Variants in OTOG observed in about 807,000 individuals in gnomAD.
OTOG encodes the protein otogelin.
In OTOG, 296 loss-of-function variants were observed where a neutral mutation model predicts 313.8. That is an observed-to-expected ratio of 0.94 (90% CI 0.86 to 1.04). OTOG has a LOEUF of 1.04. Ranked by LOEUF, OTOG falls within the 50% of genes least tolerant of loss-of-function variation. The pLI is 0.00. For missense variants in OTOG, 3,948 were observed against 3,840.1 expected, an observed-to-expected ratio of 1.03 and a Z score of -0.74; for synonymous variants, 1,533 against 1,554.9, an observed-to-expected ratio of 0.99 and a Z score of 0.33.
At chr11:17,548,370 A>C (rs1851855866) in intron 3 of OTOG, among the ~76,000 whole-genome samples, 158 bp downstream of exon 3, 1 of 146,286 alleles carries the variant, frequency 6.8e-6, no homozygotes, top group South Asian at 2.2e-4. Context: ...GTGCAAGTTC[A>C]TAAAACCCTT....
intron 1 of OTOG, 100 bp downstream of exon 1, chr11:17,547,566 G>A: frequency 1.6e-6 from 2 of 1,276,446 alleles, no homozygotes; most frequent in Non-Finnish European, 2.0e-6. Flanking sequence ...AGGGAGGAAA[G>A]AGAGGTTTGA....
intron 30 of OTOG, among the ~76,000 whole-genome samples, chr11:17,598,839 C>G (rs1446939062): frequency 6.6e-6 from 1 of 152,214 alleles, no homozygotes; most frequent in Non-Finnish European, 1.5e-5. Context: ...GGCACGTGCC[C>G]CTAGCCACAT....
intron 39 of OTOG, among the ~76,000 whole-genome samples, chr11:17,624,669 G>GT (rs369425649): frequency 1.0e-3 from 157 of 151,720 alleles, no homozygotes; most frequent in African/African-American, 3.5e-3. Context: ...TTTTAAAATA[G>GT]TTTTTTTTTC....
intron 47 of OTOG, 26 bp downstream of exon 47, chr11:17,635,737 G>C: frequency 6.5e-7 from 1 of 1,532,214 alleles, no homozygotes; most frequent in Non-Finnish European, 8.8e-7. Flanking sequence ...GCACATGGCG[G>C]GCTGCGGCAG....
chr11:17,640,415 T>A (rs185126112), intron 49 of OTOG, among the ~76,000 whole-genome samples: 1 of 152,160 alleles, frequency 6.6e-6, no homozygotes, highest in Non-Finnish European at 1.5e-5. Flanking sequence ...TATGTAACCC[T>A]CCCCACCCCA....
intron 19 of OTOG, among the ~76,000 whole-genome samples, 184 bp from the exon 20 acceptor site, chr11:17,574,536 G>A (rs1852474281): frequency 6.6e-6 from 1 of 152,202 alleles, no homozygotes; most frequent in Non-Finnish European, 1.5e-5. Context: ...GTATTGGTAG[G>A]CAGTGGGACT....
rs867881152 is a variant in OTOG, at chr11:17,627,677, T to A, written c.6529-1456T>A. On this transcript the variant is annotated intron_variant, in intron 39 of 55. Coordinates refer to ENST00000399397, the MANE Select transcript of OTOG (RefSeq NM_001292063.2). ...ATTGGTATTAACTCTTCTTCAAATG[T>A]TTGGTAGAAGTCAGCAGTGAAGCCA... 2.2e-4 allele frequency among the ~76,000 whole-genome samples: 29 copies of A among 129,096 alleles called. No homozygotes were observed. The South Asian group carries it at 6.6e-3, about 29-fold the overall frequency. 84.7% of individuals were successfully genotyped at this position (129,096 alleles called of 152,430 possible). A position where few individuals can be genotyped will look rare whatever the true frequency, so the allele number is the denominator to read the frequency against.
intron 1 of OTOG, chr11:17,547,689 G>T (rs1592056294): frequency 7.5e-6 from 6 of 799,370 alleles, no homozygotes; most frequent in Non-Finnish European, 1.0e-5. Flanking sequence ...CTGGGTGGAA[G>T]AGACCCGAGG....
At position 17,552,223 on chromosome 11, in the gene OTOG, G is replaced by A. The variant is rs751245800; in HGVS notation, c.292+148G>A. The stretch of plus-strand genomic sequence containing the variant: ...ATCTCCTTCCACCCACTCTGGCCCC[G>A]GCCACCATGCCATTTGGCATTCTCC... On this transcript the variant is annotated intron_variant, in intron 4 of 55. Transcript: ENST00000399397. 3.1e-5 allele frequency: 24 copies of A among 780,030 alleles called. No homozygotes were observed. The East Asian group carries it at 3.3e-4, about 11-fold the overall frequency. 48.3% of individuals were successfully genotyped at this position (780,030 alleles called of 1,614,324 possible).
chr11:17,554,274 T>C (rs895619680), intron 6 of OTOG, among the ~76,000 whole-genome samples: 6 of 152,210 alleles, frequency 3.9e-5, no homozygotes, highest in African/African-American at 1.4e-4. Flanking sequence ...TCATTGTATT[T>C]CTCTTACAAA....
At chr11:17,635,456 T>G (rs1565128428) in intron 46 of OTOG, among the ~76,000 whole-genome samples, 154 bp from the exon 47 acceptor site, 1 of 152,158 alleles carries the variant, frequency 6.6e-6, no homozygotes, top group Non-Finnish European at 1.5e-5. Context: ...CAGATTCTGA[T>G]TCCAGAACGG....
At position 17,610,586 on chromosome 11, in the gene OTOG, T is replaced by C; in HGVS notation, c.5286T>C (p.Ser1762=). The C allele has an allele frequency of 6.5e-7, 1 of 1,550,386 alleles. No individual in the cohort carries two copies. The highest frequency in any genetic ancestry group is 2.4e-5 in the East Asian group (1 of 40,892). Residue 1762 remains serine, a synonymous_variant, in exon 36 of 56, where the codon TCT becomes TCC. Coordinates refer to ENST00000399397, the MANE Select transcript of OTOG (RefSeq NM_001292063.2). ...PAQHTTMATR[S]PALPPETPAA... is the part of the protein sequence containing the mutation. ...AGCATACCACCATGGCCACCAGGTC[T>C]CCAGCTCTGCCCCCAGAGACCCCAG...
At position 17,611,191 on chromosome 11, in the gene OTOG, A is replaced by G. The variant is rs945343106; in HGVS notation, c.5891A>G (p.Tyr1964Cys). ...ACAGCTCTGCCAGTGCCCACATCCTATGCCCTGAGCCGTGTCTCAGCCAGG... is the reference window on the plus strand; with the variant it reads ...ACAGCTCTGCCAGTGCCCACATCCTGTGCCCTGAGCCGTGTCTCAGCCAGG... ...AGTALPVPTSYALSRVSARTA... is the reference protein window; with the variant it reads ...AGTALPVPTSCALSRVSARTA... The change falls in exon 36 of 56, where the codon TAT (tyrosine) becomes TGT (cysteine). Residue 1964 changes from tyrosine (Y) to cysteine (C), a missense_variant. By Grantham distance (194) the Tyr-to-Cys change is radical. Transcript: ENST00000399397. 3.2e-6 allele frequency: 5 copies of G among 1,550,330 alleles called. No homozygotes were observed. The highest frequency in any genetic ancestry group is 2.0e-5 in the Admixed American group (1 of 50,976).
intron 21 of OTOG, 118 bp downstream of exon 21, chr11:17,576,748 AG>A (rs1325760090): frequency 7.0e-6 from 10 of 1,433,652 alleles, no homozygotes; most frequent in Non-Finnish European, 8.6e-6. Context: ...CTGTGCAGGG[AG>A]GGGGAAGTGA....
At chr11:17,608,101 C>T (rs1853432476) in intron 33 of OTOG, among the ~76,000 whole-genome samples, 195 bp from the exon 34 acceptor site, 1 of 152,052 alleles carries the variant, frequency 6.6e-6, no homozygotes, top group South Asian at 2.1e-4. Context: ...CTCCCAGAGC[C>T]CCGTCCCCAG....
chr11:17,612,836 GT>G, intron 38 of OTOG, 71 bp downstream of exon 38: 2 of 1,472,948 alleles, frequency 1.4e-6, no homozygotes, highest in South Asian at 2.7e-5. Context: ...AGACGGAGCA[GT>G]GAGCCAGGGT....
At chr11:17,629,077 T>C (rs1198208615) in intron 39 of OTOG, 56 bp from the exon 40 acceptor site, 27 of 1,459,764 alleles carry the variant, frequency 1.8e-5, no homozygotes, top group Non-Finnish European at 2.3e-5. Flanking sequence ...GATGGATGGA[T>C]GGATGGATGA....
rs546419132 is a variant in OTOG, at chr11:17,593,158, C to A, written c.3007-35C>A. 12 of 1,536,030 alleles carry A rather than the reference C, an allele frequency of 7.8e-6. No homozygotes were observed. The Middle Eastern group carries it at 8.4e-4, about 108-fold the overall frequency. ...ACCTCTTGGCAGGATCTCCTTTCTC[C>A]CTTGTTTTATTGGACTCACTTATTC... is the stretch of plus-strand genomic sequence containing the variant. On this transcript the variant is annotated intron_variant, in intron 25 of 55. Transcript: ENST00000399397.
At chr11:17,606,262 G>C (rs1211528157) in intron 33 of OTOG, 127 bp downstream of exon 33, 2 of 1,239,808 alleles carry the variant, frequency 1.6e-6, no homozygotes, top group Non-Finnish European at 2.2e-6. Flanking sequence ...CTGGCACAGG[G>C]GCCACATGGG....
Sources: allele counts gnomAD v4.1 joint callset (sites outside exome capture counted in the v4.1 genomes callset), GRCh38; gene constraint gnomAD v4.1.1; transcripts MANE v1.5; gene names NCBI Gene and HGNC (gene_info 2026-07-23, HGNC 2026-07-21).